The following CARD14 variants were observed in gnomAD, a reference collection of about 807,000 sequenced individuals.
CARD14 encodes the protein caspase recruitment domain family member 14, also known as caspase recruitment domain-containing protein 14.
CARD14 carries 107 observed loss-of-function variants against 111.5 expected under a neutral mutation model. The observed-to-expected ratio is 0.96, with a 90% CI of 0.82 to 1.13. The LOEUF is 1.13. Among genes scored for constraint, CARD14 ranks in the 50% most tolerant of loss-of-function variants. The pLI is 0.00. For missense variants in CARD14, 1,322 were observed against 1,362.3 expected (o/e 0.97, Z 0.47); for synonymous variants, 617 against 579.6 (o/e 1.06, Z -0.93).
intron 11 of CARD14, 94 bp from the exon 12 acceptor site, chr17:80,192,409 G>C: frequency 2.4e-6 from 2 of 828,676 alleles, no homozygotes; most frequent in South Asian, 3.3e-5. Flanking sequence ...GCTGGGGAGG[G>C]TGAAATGGGT....
At chr17:80,179,335 C>G (rs2040098685) in intron 4 of CARD14, 34 bp downstream of exon 4, 3 of 152,168 alleles carry the variant, frequency 2.0e-5, no homozygotes. Flanking sequence ...ATCATTGAAT[C>G]CAGTGCACAG....
At chr17:80,190,152 C>A (rs187544573) in intron 9 of CARD14, among the ~76,000 whole-genome samples, 1 of 151,882 alleles carries the variant, frequency 6.6e-6, no homozygotes, top group Middle Eastern at 3.2e-3. Context: ...GAGGAGGGAA[C>A]GGGGAGGAAA....
chr17:80,183,839 C>G, intron 6 of CARD14, 74 bp from the exon 7 acceptor site: 1 of 1,293,434 alleles, frequency 7.7e-7, no homozygotes, highest in Non-Finnish European at 1.0e-6. Flanking sequence ...CACCTGCTCA[C>G]CTGCTCACCT....
chr17:80,181,557 C>A lies in CARD14; in HGVS notation c.119C>A (p.Thr40Asn). 2 of 1,570,178 alleles carry A rather than the reference C, an allele frequency of 1.3e-6. No individual in the cohort carries two copies. Among genetic ancestry groups the A allele is most frequent in the African/African-American group, 1.4e-5 (1 of 73,830 alleles). ...CGCTGCATCTGCCCCAGCCGCCTCA[C>A]CCCCTACCTGCGCCAGGCCAAGGTG... ...IVRCICPSRLTPYLRQAKVLC... is the reference protein window; with the variant it reads ...IVRCICPSRLNPYLRQAKVLC... Residue 40 changes from threonine to asparagine, a missense_variant, in exon 5 of 24, where the codon ACC becomes AAC. Physicochemically the swap from Thr to Asn is moderately conservative, Grantham distance 65. Coordinates refer to ENST00000648509, the MANE Select transcript of CARD14 (RefSeq NM_001366385.1).
chr17:80,204,469 A>G (rs1391370913), intron 20 of CARD14, 128 bp downstream of exon 20: 1 of 894,116 alleles, frequency 1.1e-6, no homozygotes, highest in Non-Finnish European at 1.7e-6. Flanking sequence ...GGTCTTCAAG[A>G]ATCATGGGGC....
chr17:80,208,667 G>A lies in CARD14; in HGVS notation c.*322G>A, dbSNP rs754390253. The A allele has an allele frequency of 4.4e-5, 12 of 271,392 alleles. No homozygotes were observed. Among genetic ancestry groups the A allele is most frequent in the Non-Finnish European group, 8.3e-5 (12 of 145,118 alleles). 16.8% of individuals were successfully genotyped at this position (271,392 alleles called of 1,614,324 possible). On this transcript the variant is annotated 3_prime_UTR_variant, in exon 24 of 24. Coordinates refer to ENST00000648509, the MANE Select transcript of CARD14 (RefSeq NM_001366385.1). ...TGCCTTCCCTAGAACCGGAGGCCCC[G>A]GACTTCTCTGGAAAACCGCCTGTCT...
At chr17:80,191,294 G>A (rs375465348) in intron 10 of CARD14, 29 bp from the exon 11 acceptor site, 338 of 1,597,078 alleles carry the variant, frequency 2.1e-4, no homozygotes, top group Non-Finnish European at 2.8e-4. Flanking sequence ...GTGATGGCGC[G>A]GCCTCCTTAC....
rs1266524687 is a variant in CARD14, at chr17:80,189,996, C to T, written c.963+124C>T. 9 of 1,322,590 alleles carry T rather than the reference C, an allele frequency of 6.8e-6. No individual in the cohort carries two copies. The highest frequency in any genetic ancestry group is 6.2e-5 in the African/African-American group (4 of 64,278). 81.9% of individuals were successfully genotyped at this position (1,322,590 alleles called of 1,614,324 possible). A position where few individuals can be genotyped will look rare whatever the true frequency, so the allele number is the denominator to read the frequency against. On this transcript the variant is annotated intron_variant, in intron 9 of 23. Transcript: ENST00000648509. The surrounding 1 kb of genome is among the most constrained non-coding windows in gnomAD (Gnocchi z 4.7). ...GCTCACATAATTTTGCTGAACGAAT[C>T]TGTCGGCCTGTTCATCTGTCCCTTT...
chr17:80,202,437 A>G lies in CARD14; in HGVS notation c.2219+17A>G, dbSNP rs765681406. Reference sequence around the variant, plus strand: ...CTACTCCAGGTGAGCAGCTGCCTCGAGCTCGGTGCGTCCCCAGAGAGGCCC... The same window carrying G: ...CTACTCCAGGTGAGCAGCTGCCTCGGGCTCGGTGCGTCCCCAGAGAGGCCC... On this transcript the variant is annotated intron_variant, in intron 18 of 23. Transcript: ENST00000648509. 4 of 1,604,822 alleles carry G rather than the reference A, an allele frequency of 2.5e-6. No individual in the cohort carries two copies. The South Asian group carries it at 3.3e-5, about 13-fold the overall frequency.
Position 80,201,842 on chromosome 17 carries a change from C to T in CARD14, c.1950C>T (p.Cys650=), listed in dbSNP as rs756702830. 3.1e-6 allele frequency: 5 copies of T among 1,613,896 alleles called. No individual in the cohort carries two copies. The highest frequency in any genetic ancestry group is 2.2e-5 in the South Asian group (2 of 91,054). ...VGLLRRVDGF[C]CLSVKVNTDG... Reference sequence around the variant, plus strand: ...TTCTCAGGAGGGTGGACGGCTTCTGCTGCCTGTCTGTGAAGGTCAACACGG... The same window carrying T: ...TTCTCAGGAGGGTGGACGGCTTCTGTTGCCTGTCTGTGAAGGTCAACACGG... Residue 650 remains cysteine (C), a synonymous_variant, in exon 17 of 24, where the codon TGC becomes TGT. Coordinates refer to ENST00000648509, the MANE Select transcript of CARD14 (RefSeq NM_001366385.1). The surrounding 1 kb of genome is among the most constrained non-coding windows in gnomAD (Gnocchi z 5.0).
rs1257265262 is a variant in CARD14, at chr17:80,195,680, C to T, written c.1594+28C>T. On this transcript the variant is annotated intron_variant, in intron 14 of 23. Coordinates refer to ENST00000648509, the MANE Select transcript of CARD14 (RefSeq NM_001366385.1). The surrounding 1 kb of genome is among the most constrained non-coding windows in gnomAD (Gnocchi z 4.7). ...GAGCACGCCCAACCCTGAACCTCCA[C>T]AGCAGTCCACCTCCCCTGGGCAGAG... 1.3e-6 allele frequency: 2 copies of T among 1,579,030 alleles called. No individual in the cohort carries two copies. The highest frequency in any genetic ancestry group is 1.7e-5 in the Admixed American group (1 of 57,632).
At position 80,173,363 on chromosome 17, in the gene CARD14, C is replaced by T. The variant is rs139617682; in HGVS notation, c.-367+135C>T. 3.1e-3 allele frequency: 466 copies of T among 151,924 alleles called. 3 individuals carry two copies. Among genetic ancestry groups the T allele is most frequent in the Non-Finnish European group, 4.7e-3 (321 of 67,868 alleles). The allele number at this position is 151,924 out of a possible 1,614,324, so 9.4% of individuals were successfully genotyped here. The stretch of plus-strand genomic sequence containing the variant: ...GCGCGGAATGACAGGACAGACTGAT[C>T]GGCAGATTGGATGAATGGATGGATG... On this transcript the variant is annotated intron_variant, in intron 2 of 23. Transcript: ENST00000648509.
At chr17:80,176,516 T>C (rs1353053754) in intron 2 of CARD14, among the ~76,000 whole-genome samples, 1 of 151,350 alleles carries the variant, frequency 6.6e-6, no homozygotes, top group East Asian at 1.9e-4. Flanking sequence ...GCTTCTAGTG[T>C]ATTCACAGAT....
Position 80,191,303 on chromosome 17 carries a change from A to C in CARD14, c.1090-20A>C. 6.2e-7 allele frequency: 1 copy of C among 1,600,268 alleles called. No individual in the cohort carries two copies. ...CCGGTGGTGATGGCGCGGCCTCCTT[A>C]CTCCCGTCGTGGCCCACAGGCGTAC... On this transcript the variant is annotated intron_variant, in intron 10 of 23. Coordinates refer to ENST00000648509, the MANE Select transcript of CARD14 (RefSeq NM_001366385.1).
rs2040441304 is a variant in CARD14 at position 80,189,276 on chromosome 17, T to C, written c.844-477T>C. ...TGGAGCAGTGAGTGAGCAACGACCCTTGGCGTCTCCTCCTCGGCCCCTCTC... is the reference window on the plus strand; with the variant it reads ...TGGAGCAGTGAGTGAGCAACGACCCCTGGCGTCTCCTCCTCGGCCCCTCTC... On this transcript the variant is annotated intron_variant, in intron 8 of 23. Transcript: ENST00000648509. The surrounding 1 kb of genome is among the most constrained non-coding windows in gnomAD (Gnocchi z 4.7). Among the ~76,000 whole-genome samples the C allele has an allele frequency of 6.6e-6, 1 of 152,204 alleles. No individual in the cohort carries two copies. The highest frequency in any genetic ancestry group is 1.5e-5 in the Non-Finnish European group (1 of 68,040).
intron 19 of CARD14, 71 bp from the exon 20 acceptor site, chr17:80,204,156 C>G (rs2041144945): frequency 6.9e-7 from 1 of 1,448,946 alleles, no homozygotes; most frequent in African/African-American, 1.4e-5. Context: ...TGCCAATCAT[C>G]TCCCCTGAAT....
chr17:80,174,235 T>A (rs533770906), intron 2 of CARD14, among the ~76,000 whole-genome samples: 1 of 152,312 alleles, frequency 6.6e-6, no homozygotes, highest in East Asian at 1.9e-4. Flanking sequence ...TTATTTGAGA[T>A]GGAGTCTCGG....
intron 23 of CARD14, 33 bp from the exon 24 acceptor site, chr17:80,208,105 T>G: frequency 9.6e-6 from 13 of 1,347,926 alleles, no homozygotes; most frequent in Admixed American, 2.2e-5. Context: ...TGCTCTCCCC[T>G]GAGCCCGCCC....
intron 2 of CARD14, among the ~76,000 whole-genome samples, chr17:80,175,040 A>G (rs1017638153): frequency 6.6e-6 from 1 of 151,442 alleles, no homozygotes; most frequent in African/African-American, 2.4e-5. Flanking sequence ...CAGTGATGCA[A>G]TCTCATTTCA....
Sources: gnomAD v4.1 joint callset for allele counts (sites outside exome capture counted in the v4.1 genomes callset) on GRCh38, gnomAD v4.1.1 for gene constraint, Gnocchi (gnomAD v3.1) non-coding constraint, MANE v1.5 for transcripts, NCBI Gene and HGNC (gene_info 2026-07-23, HGNC 2026-07-21) for gene names.